The following ADCY2 variants were observed in gnomAD, a reference collection of about 807,000 sequenced individuals.
ADCY2 encodes the protein adenylate cyclase type 2.
A neutral mutation model predicts 125.2 loss-of-function variants in ADCY2; 31 were observed. That is an observed-to-expected ratio of 0.25 (90% CI 0.19 to 0.33). ADCY2 has a LOEUF of 0.33. Among genes scored for constraint, ADCY2 ranks in the 10% least tolerant of loss-of-function variants. The pLI is 1.00. For synonymous variants in ADCY2, 512 were observed against 548.4 expected, an observed-to-expected ratio of 0.93 and a Z score of 0.93; for missense variants, 904 against 1,418.2, an observed-to-expected ratio of 0.64 and a Z score of 5.82.
chr5:7,617,329 A>G (rs531430317), intron 3 of ADCY2, among the ~76,000 whole-genome samples: 1 of 152,284 alleles, frequency 6.6e-6, no homozygotes, highest in South Asian at 2.1e-4. Context: ...AGGCCAAGTC[A>G]CAGCAAGAAG....
chr5:7,660,273 AAGGAAGGAAGG>A (rs1739480656), intron 4 of ADCY2, among the ~76,000 whole-genome samples: 3 of 151,042 alleles, frequency 2.0e-5, no homozygotes, highest in Admixed American at 6.6e-5. Flanking sequence ...GGAAGGAAGG[AAGGAAGGAAGG>A]AAGGAAGGAA....
At chr5:7,640,555 T>A (rs1401963540) in intron 4 of ADCY2, among the ~76,000 whole-genome samples, 1 of 152,154 alleles carries the variant, frequency 6.6e-6, no homozygotes, top group Non-Finnish European at 1.5e-5. Flanking sequence ...ATGGGAAAAA[T>A]TTAAAATGTC....
chr5:7,523,315 TAAAAA>T (rs5865718), intron 3 of ADCY2, among the ~76,000 whole-genome samples: 1 of 135,714 alleles, frequency 7.4e-6, no homozygotes, highest in African/African-American at 2.7e-5. Flanking sequence ...CCTGCATTGG[TAAAAA>T]AAAAAAAAAA....
At chr5:7,562,335 G>A (rs915806138) in intron 3 of ADCY2, among the ~76,000 whole-genome samples, 9 of 151,678 alleles carry the variant, frequency 5.9e-5, no homozygotes, top group Admixed American at 1.3e-4. Flanking sequence ...TGTATCTGAC[G>A]AAGTTAAACT....
At chr5:7,399,614 C>A (rs530336376) in intron 1 of ADCY2, among the ~76,000 whole-genome samples, 1 of 152,234 alleles carries the variant, frequency 6.6e-6, no homozygotes, top group South Asian at 2.1e-4. Flanking sequence ...GTTTTAATCC[C>A]ATATTTGTGA....
rs749490240 is a variant in ADCY2, at chr5:7,626,158, T to A, written c.571-9T>A. ...TTACCCTATTGAGCAGCTCTTTCTG[T>A]CTCTTTAGATCCTGGCCAATGTGAT... On this transcript the variant is annotated splice_polypyrimidine_tract_variant and intron_variant, in intron 3 of 24. Coordinates refer to ENST00000338316, the MANE Select transcript of ADCY2 (RefSeq NM_020546.3). The A allele has an allele frequency of 1.0e-5, 16 of 1,607,850 alleles. No homozygotes were observed. The highest frequency in any genetic ancestry group is 6.8e-6 in the Non-Finnish European group (8 of 1,178,282).
intron 4 of ADCY2, among the ~76,000 whole-genome samples, chr5:7,683,177 C>T (rs1156986060): frequency 6.6e-6 from 1 of 152,214 alleles, no homozygotes; most frequent in African/African-American, 2.4e-5. Context: ...AAGGCTCAAC[C>T]TCCTCTTACT....
At chr5:7,648,774 A>G (rs1279326928) in intron 4 of ADCY2, among the ~76,000 whole-genome samples, 4 of 152,220 alleles carry the variant, frequency 2.6e-5, no homozygotes, top group African/African-American at 9.6e-5. Context: ...GCATTATTTT[A>G]AATTTGTGAA....
At chr5:7,596,320 A>G (rs1321809569) in intron 3 of ADCY2, among the ~76,000 whole-genome samples, 1 of 152,062 alleles carries the variant, frequency 6.6e-6, no homozygotes, top group Non-Finnish European at 1.5e-5. Context: ...ACCCAAGGCA[A>G]TACGAAACTC....
At chr5:7,491,394 A>C (rs1743160259) in intron 2 of ADCY2, among the ~76,000 whole-genome samples, 1 of 152,142 alleles carries the variant, frequency 6.6e-6, no homozygotes, top group East Asian at 1.9e-4. Context: ...CTGGGATTAC[A>C]GGCTCAAAAT....
rs140674367 is a variant in ADCY2, at chr5:7,524,709, A to C, written c.570+3810A>C. On this transcript the variant is annotated intron_variant, in intron 3 of 24. Transcript: ENST00000338316. ...TAGATTCCGGTTCTGCATCTTTGGC[A>C]AGAATCACAGAGCGGTGGTGGGTGC... Among the ~76,000 whole-genome samples, 411 of 152,264 alleles carry C rather than the reference A, an allele frequency of 2.7e-3. 2 individuals carry two copies. The highest frequency in any genetic ancestry group is 5.1e-3 in the Non-Finnish European group (346 of 68,006).
chr5:7,503,031 A>G (rs886662599), intron 2 of ADCY2, among the ~76,000 whole-genome samples: 4 of 152,128 alleles, frequency 2.6e-5, no homozygotes, highest in African/African-American at 7.2e-5. Context: ...TCTGGTGCCT[A>G]CTGCAGCCCC....
At chr5:7,431,933 A>G (rs940069450) in intron 2 of ADCY2, among the ~76,000 whole-genome samples, 1 of 152,076 alleles carries the variant, frequency 6.6e-6, no homozygotes, top group African/African-American at 2.4e-5. Flanking sequence ...GTGAGAACAT[A>G]CATCCCTGTT....
chr5:7,531,832 T>C (rs1042283299), intron 3 of ADCY2, among the ~76,000 whole-genome samples: 2 of 152,240 alleles, frequency 1.3e-5, no homozygotes, highest in African/African-American at 4.8e-5. Flanking sequence ...GAGTCATATT[T>C]TGAGGTTTCC....
At chr5:7,768,838 T>G (rs1743473604) in intron 17 of ADCY2, among the ~76,000 whole-genome samples, 1 of 152,194 alleles carries the variant, frequency 6.6e-6, no homozygotes, top group South Asian at 2.1e-4. Context: ...TGGCCAGCGT[T>G]GCCAAGGAAG....
intron 3 of ADCY2, among the ~76,000 whole-genome samples, chr5:7,539,295 A>T (rs1193194263): frequency 6.6e-6 from 1 of 152,226 alleles, no homozygotes; most frequent in East Asian, 1.9e-4. Flanking sequence ...TCCAGCAGAC[A>T]TATTTTAAGC....
intron 6 of ADCY2, among the ~76,000 whole-genome samples, chr5:7,697,101 T>C (rs1415494058): frequency 6.6e-6 from 1 of 151,840 alleles, no homozygotes; most frequent in Non-Finnish European, 1.5e-5. Flanking sequence ...TGAACAAATT[T>C]CCCCTTCTTA....
chr5:7,778,514 A>G (rs1243093556), intron 18 of ADCY2, among the ~76,000 whole-genome samples: 1 of 152,258 alleles, frequency 6.6e-6, no homozygotes, highest in South Asian at 2.1e-4. Flanking sequence ...AGTGATAAAC[A>G]GTGCTTAGCC....
intron 4 of ADCY2, among the ~76,000 whole-genome samples, chr5:7,668,361 G>A (rs1561156194): frequency 6.6e-6 from 1 of 152,176 alleles, no homozygotes; most frequent in Admixed American, 6.5e-5. Context: ...CTGCTCATCT[G>A]CCCTGTGGAA....
Sources: gnomAD v4.1 joint callset for allele counts (sites outside exome capture counted in the v4.1 genomes callset) on GRCh38, gnomAD v4.1.1 for gene constraint, MANE v1.5 for transcripts, NCBI Gene and HGNC (gene_info 2026-07-23, HGNC 2026-07-21) for gene names.